FOCAD: variants seen among roughly 807,000 people sequenced by gnomAD.
FOCAD encodes focadhesin.
A neutral mutation model predicts 225.6 loss-of-function variants in FOCAD; 198 were observed. The observed-to-expected ratio is 0.88, with a 90% confidence interval of 0.78 to 0.99. FOCAD has a LOEUF of 0.99. Ranked by LOEUF, FOCAD falls within the 50% of genes least tolerant of loss-of-function variation. The pLI, the probability that FOCAD is intolerant of heterozygous loss-of-function variation, is 0.00. For synonymous variants in FOCAD, 897 were observed against 755.0 expected (o/e 1.19, Z -3.08); for missense variants, 2,713 against 2,123.6 (o/e 1.28, Z -5.46).
intron 35 of FOCAD, among the ~76,000 whole-genome samples, chr9:20,968,844 A>T (rs886119459): frequency 6.6e-6 from 1 of 152,090 alleles, no homozygotes; most frequent in Non-Finnish European, 1.5e-5. Context: ...TGAGGCATAA[A>T]GTTAGGGATA....
rs750702127 is a variant in FOCAD, at chr9:20,950,946, T to C, written c.3949-50T>C. 3.3e-6 allele frequency: 5 copies of C among 1,510,740 alleles called. No homozygotes were observed. The South Asian group carries it at 4.5e-5, about 14-fold the overall frequency. The allele number at this position is 1,510,740 out of a possible 1,614,324, so 93.6% of individuals were successfully genotyped here. A position where few individuals can be genotyped will look rare whatever the true frequency, so the allele number is the denominator to read the frequency against. On this transcript the variant is annotated intron_variant, in intron 33 of 43. Transcript: ENST00000338382. ...TTTCTGTGAGTGACCTTTTATTGAA[T>C]GGAACTTGGATCTTATCCCATCATT...
At chr9:20,962,362 T>C (rs1838817168) in intron 35 of FOCAD, among the ~76,000 whole-genome samples, 1 of 152,104 alleles carries the variant, frequency 6.6e-6, no homozygotes, top group African/African-American at 2.4e-5. Context: ...AGTTTTCTAA[T>C]ATTTGTTTAT....
chr9:20,919,728 A>G (rs1323413771), intron 24 of FOCAD, among the ~76,000 whole-genome samples: 3 of 152,232 alleles, frequency 2.0e-5, no homozygotes, highest in Middle Eastern at 3.2e-3. Context: ...TCCCTATTTC[A>G]TAAATGGTGC....
upstream of FOCAD, among the ~76,000 whole-genome samples, chr9:20,681,593 ATCTC>A (rs1441627001): frequency 6.6e-6 from 1 of 152,198 alleles, no homozygotes; most frequent in Non-Finnish European, 1.5e-5. Context: ...CTAAAAGCCT[ATCTC>A]TCTAGTCTTG....
intron 11 of FOCAD, among the ~76,000 whole-genome samples, chr9:20,815,123 G>GGTTTTTTTTTGT (rs796702774): frequency 1.2e-5 from 1 of 85,396 alleles, no homozygotes; most frequent in Admixed American, 1.4e-4. Flanking sequence ...ACTTCTCTTT[G>GGTTTTTTTTTGT]TTTTTTTTTT....
Position 20,778,750 on chromosome 9 carries a change from A to G in FOCAD, c.976A>G (p.Lys326Glu). Residue 326 changes from lysine to glutamate, a missense_variant, in exon 9 of 44, where the codon AAG becomes GAG. Transcript: ENST00000338382. ...TCTACAGACTCCAGCAAGTCAGCAG[A>G]AGCCAATCTTAAATCTAGGTAAATA... ...LLLQTPASQQKPILNLALKLL... is the reference protein window; with the variant it reads ...LLLQTPASQQEPILNLALKLL... 6.2e-7 allele frequency: 1 copy of G among 1,607,832 alleles called. No individual in the cohort carries two copies. Among genetic ancestry groups the G allele is most frequent in the Non-Finnish European group, 8.5e-7 (1 of 1,174,972 alleles).
chr9:20,986,492 G>A (rs748841365), intron 40 of FOCAD, 27 bp downstream of exon 40: 2 of 1,565,828 alleles, frequency 1.3e-6, no homozygotes, highest in Non-Finnish European at 1.7e-6. Flanking sequence ...GTGAACATCA[G>A]AAACAGGAAT....
intron 35 of FOCAD, among the ~76,000 whole-genome samples, chr9:20,959,023 A>G (rs116863653): frequency 2.7e-3 from 408 of 152,280 alleles, no homozygotes; most frequent in Non-Finnish European, 4.7e-3. Flanking sequence ...CTCTGATAGA[A>G]TGATTTCCTT....
chr9:20,775,766 A>G (rs556746057), intron 8 of FOCAD, among the ~76,000 whole-genome samples: 1 of 152,264 alleles, frequency 6.6e-6, no homozygotes, highest in East Asian at 1.9e-4. Flanking sequence ...CTTGAGGACA[A>G]AAAGTATGGA....
At chr9:20,720,768 G>A (rs1297474039) in intron 4 of FOCAD, among the ~76,000 whole-genome samples, 4 of 152,066 alleles carry the variant, frequency 2.6e-5, no homozygotes, top group Non-Finnish European at 4.4e-5. Flanking sequence ...TAAATTTGTC[G>A]TTGCCCTTTT....
intron 19 of FOCAD, chr9:20,875,081 A>G (rs943782877): frequency 2.7e-6 from 1 of 365,410 alleles, no homozygotes; most frequent in Non-Finnish European, 4.9e-6. Flanking sequence ...AAAAGGCTAA[A>G]TGTATTCCAC....
rs1266920303 is a variant in FOCAD, at chr9:20,769,928, T to C, written c.700-104T>C. On this transcript the variant is annotated intron_variant, in intron 7 of 43. Coordinates refer to ENST00000338382, the MANE Select transcript of FOCAD (RefSeq NM_001375567.1). ...TTTTTTCATCTCCTTTAAGTCTTTATAGGTTTAGAGAAAAAATTACATTGT... is the reference window on the plus strand; with the variant it reads ...TTTTTTCATCTCCTTTAAGTCTTTACAGGTTTAGAGAAAAAATTACATTGT... 6.0e-6 allele frequency: 6 copies of C among 1,002,616 alleles called. No individual in the cohort carries two copies. In the South Asian group the frequency reaches 6.6e-5, roughly 11 times the overall value. 62.1% of individuals were successfully genotyped at this position (1,002,616 alleles called of 1,614,324 possible).
intron 15 of FOCAD, among the ~76,000 whole-genome samples, chr9:20,849,608 GA>G (rs1157295482): frequency 6.6e-6 from 1 of 151,796 alleles, no homozygotes; most frequent in Non-Finnish European, 1.5e-5. Flanking sequence ...TGGGTCCAAA[GA>G]GTTAGCATCT....
intron 28 of FOCAD, among the ~76,000 whole-genome samples, chr9:20,944,027 T>G (rs1328444893): frequency 6.6e-6 from 1 of 152,224 alleles, no homozygotes; most frequent in Non-Finnish European, 1.5e-5. Flanking sequence ...TCTGACCCAG[T>G]GGTATTCTGC....
At chr9:20,809,255 A>G (rs1822791791) in intron 11 of FOCAD, among the ~76,000 whole-genome samples, 1 of 152,176 alleles carries the variant, frequency 6.6e-6, no homozygotes, top group Admixed American at 6.5e-5. Context: ...AGCCTTTTAG[A>G]ACAGCTTTGT....
intron 7 of FOCAD, among the ~76,000 whole-genome samples, chr9:20,769,756 C>A (rs1029887041): frequency 6.6e-6 from 1 of 152,178 alleles, no homozygotes; most frequent in Non-Finnish European, 1.5e-5. Context: ...TGTTTTAAGA[C>A]ATCTGCACTC....
At chr9:20,777,488 T>G (rs1233048090) in intron 8 of FOCAD, among the ~76,000 whole-genome samples, 1 of 152,150 alleles carries the variant, frequency 6.6e-6, no homozygotes, top group Non-Finnish European at 1.5e-5. Context: ...TTAATATTTA[T>G]TAAAACCTAA....
chr9:20,951,839 C>A (rs1441087611), intron 34 of FOCAD, among the ~76,000 whole-genome samples: 1 of 152,192 alleles, frequency 6.6e-6, no homozygotes, highest in Non-Finnish European at 1.5e-5. Context: ...CACTGGCTAT[C>A]TTGGACCCAG....
intron 19 of FOCAD, among the ~76,000 whole-genome samples, chr9:20,881,527 G>A (rs1830664992): frequency 6.6e-6 from 1 of 152,180 alleles, no homozygotes; most frequent in African/African-American, 2.4e-5. Flanking sequence ...TTTTACATTA[G>A]TTTGTATGAG....
Sources: gnomAD v4.1 joint callset for allele counts (sites outside exome capture counted in the v4.1 genomes callset) on GRCh38, gnomAD v4.1.1 for gene constraint, MANE v1.5 for transcripts, NCBI Gene and HGNC (gene_info 2026-07-23, HGNC 2026-07-21) for gene names.